The following CCDC178 variants were observed in gnomAD, a reference collection of about 807,000 sequenced individuals.
CCDC178 encodes the protein coiled-coil domain containing 178.
In CCDC178, 126 loss-of-function variants were observed where a neutral mutation model predicts 117.4. The ratio of observed to expected loss-of-function variants is 1.07; its 90% confidence interval spans 0.93 to 1.24. The LOEUF (loss-of-function observed/expected upper bound fraction) is 1.24. CCDC178 is among the 50% of genes most tolerant of loss of function. CCDC178 has a pLI of 0.00. For synonymous variants in CCDC178, 283 were observed against 313.4 expected (o/e 0.90, Z 1.02); for missense variants, 1,030 against 986.9 (o/e 1.04, Z -0.59).
rs116003335 is a variant in CCDC178, at chr18:33,363,253, C to T, written c.348+6797G>A. On this transcript the variant is annotated intron_variant, in intron 6 of 22. Coordinates refer to ENST00000383096, the MANE Select transcript of CCDC178 (RefSeq NM_001105528.4). ...GCATGGAAGTAAACCAAATCAGATT[C>T]ATACGAAACTTCAAAGTTTTCATTA... Among the ~76,000 whole-genome samples, 1,019 of 152,028 alleles carry T rather than the reference C, an allele frequency of 6.7e-3. 7 individuals carry two copies. The highest frequency in any genetic ancestry group is 0.038 in the Middle Eastern group (11 of 292).
intron 14 of CCDC178, among the ~76,000 whole-genome samples, chr18:33,266,505 G>C (rs1441692651): frequency 6.7e-6 from 1 of 149,274 alleles, no homozygotes; most frequent in Non-Finnish European, 1.5e-5. Flanking sequence ...GCTGTGTAAA[G>C]CTGCTTATAA....
intron 20 of CCDC178, among the ~76,000 whole-genome samples, chr18:33,171,582 G>A (rs896709573): frequency 6.6e-6 from 1 of 152,160 alleles, no homozygotes; most frequent in Non-Finnish European, 1.5e-5. Flanking sequence ...CAAAGAGATC[G>A]TAGCTATAGA....
intron 20 of CCDC178, among the ~76,000 whole-genome samples, chr18:33,111,024 T>C (rs928080579): frequency 6.6e-6 from 1 of 151,556 alleles, no homozygotes; most frequent in Non-Finnish European, 1.5e-5. Flanking sequence ...AATATATAAA[T>C]TTGGTAGATC....
intron 15 of CCDC178, among the ~76,000 whole-genome samples, chr18:33,243,155 A>G (rs2059508543): frequency 6.6e-6 from 1 of 151,990 alleles, no homozygotes; most frequent in Non-Finnish European, 1.5e-5. Context: ...AGGAATAGAA[A>G]GTTAAATACT....
intron 21 of CCDC178, among the ~76,000 whole-genome samples, chr18:32,981,537 TAAAGAACAAAA>T (rs1363892809): frequency 2.0e-5 from 3 of 152,212 alleles, no homozygotes; most frequent in Non-Finnish European, 4.4e-5. Flanking sequence ...GTTGTTTCTT[TAAAGAACAAAA>T]CCTATGTTAA....
chr18:33,238,443 A>G lies in CCDC178; in HGVS notation c.1593+6802T>C, dbSNP rs1235212994. ...GATTTGAATGATAAATACAACAAAG[A>G]TATAGATATTATTAAAAAAGAACCA... On this transcript the variant is annotated intron_variant, in intron 15 of 22. Transcript: ENST00000383096. 2.0e-5 allele frequency among the ~76,000 whole-genome samples: 3 copies of G among 152,050 alleles called. No homozygotes were observed. In the South Asian group the frequency reaches 6.2e-4, roughly 31 times the overall value.
chr18:33,260,068 T>G (rs1008757861), intron 14 of CCDC178, among the ~76,000 whole-genome samples: 2 of 152,022 alleles, frequency 1.3e-5, no homozygotes, highest in Non-Finnish European at 2.9e-5. Flanking sequence ...TATATATATA[T>G]TACACATGGC....
intron 21 of CCDC178, among the ~76,000 whole-genome samples, chr18:33,015,682 G>A (rs934970680): frequency 6.6e-6 from 1 of 151,182 alleles, no homozygotes; most frequent in Non-Finnish European, 1.5e-5. Context: ...GATTTACTAG[G>A]CAAAAATTTG....
intron 21 of CCDC178, among the ~76,000 whole-genome samples, chr18:33,062,130 G>C (rs1391271896): frequency 1.3e-5 from 2 of 152,108 alleles, no homozygotes; most frequent in Non-Finnish European, 2.9e-5. Context: ...CTACTAACAG[G>C]TACTTTGTGT....
In CCDC178 at chr18:33,354,075, C is replaced by CT. The variant is rs964868149; in HGVS notation, c.371+2248dup. On this transcript the variant is annotated intron_variant, in intron 7 of 22. Coordinates refer to ENST00000383096, the MANE Select transcript of CCDC178 (RefSeq NM_001105528.4). ...ATTCGGAATTCTTCATTGACAGTTT[C>CT]TTTTTTTTCTTCTGGCATTTAAATA... 2.6e-5 allele frequency among the ~76,000 whole-genome samples: 4 copies of CT among 151,940 alleles called. No individual in the cohort carries two copies. The South Asian group carries it at 6.2e-4, about 24-fold the overall frequency.
intron 21 of CCDC178, among the ~76,000 whole-genome samples, chr18:33,064,935 C>T (rs559483535): frequency 8.6e-5 from 13 of 150,578 alleles, no homozygotes; most frequent in South Asian, 2.1e-4. Context: ...TCATTTGAGA[C>T]GACATGGATT....
Position 33,189,249 on chromosome 18 carries a change from A to G in CCDC178, c.2238+22647T>C, listed in dbSNP as rs531445645. On this transcript the variant is annotated intron_variant, in intron 20 of 22. Coordinates refer to ENST00000383096, the MANE Select transcript of CCDC178 (RefSeq NM_001105528.4). ...TGTGTCATCTGCATAGACAAGCAAC[A>G]ATAACAAGATGAGGGGTTTGCTAAG... Among the ~76,000 whole-genome samples the G allele has an allele frequency of 9.8e-5, 15 of 152,306 alleles. 1 individual carries two copies. The South Asian group carries it at 3.1e-3, about 32-fold the overall frequency.
At chr18:32,945,459 C>T (rs1174461317) in intron 22 of CCDC178, among the ~76,000 whole-genome samples, 1 of 152,092 alleles carries the variant, frequency 6.6e-6, no homozygotes, top group Non-Finnish European at 1.5e-5. Context: ...GTTACATAAA[C>T]AAAATTTTGT....
intron 11 of CCDC178, among the ~76,000 whole-genome samples, chr18:33,302,624 G>A (rs968723937): frequency 4.6e-5 from 7 of 151,916 alleles, no homozygotes; most frequent in African/African-American, 1.7e-4. Context: ...TAGGTGTCCC[G>A]GTGAATGAAC....
At chr18:33,269,150 C>G (rs924222232) in intron 12 of CCDC178, among the ~76,000 whole-genome samples, 31 of 151,752 alleles carry the variant, frequency 2.0e-4, no homozygotes, top group African/African-American at 6.8e-4. Context: ...GCAGAGTTTA[C>G]CAGCACAAAA....
Position 33,092,863 on chromosome 18 carries a change from C to T in CCDC178, c.2286G>A (p.Glu762=). Residue 762 remains glutamate (E), a synonymous_variant, in exon 21 of 23, where the codon GAG becomes GAA. Coordinates refer to ENST00000383096, the MANE Select transcript of CCDC178 (RefSeq NM_001105528.4). The part of the protein sequence containing the change: ...SLEENLRLAQ[E]YQQLQITFLK... The stretch of plus-strand genomic sequence containing the variant: ...AGAATGTAATCTGTAGCTGTTGATA[C>T]TCTTGAGCTAAACGCAGATTTTCTT... 6.3e-7 allele frequency: 1 copy of T among 1,578,204 alleles called. No homozygotes were observed. The highest frequency in any genetic ancestry group is 8.6e-7 in the Non-Finnish European group (1 of 1,164,000).
chr18:33,006,911 A>T (rs1829367709), intron 21 of CCDC178, among the ~76,000 whole-genome samples: 1 of 152,060 alleles, frequency 6.6e-6, no homozygotes, highest in Admixed American at 6.6e-5. Context: ...TTGGAAGATG[A>T]CCCTAAGCTC....
intron 11 of CCDC178, among the ~76,000 whole-genome samples, chr18:33,302,068 C>T (rs4328517): frequency 0.83 from 126,809 of 152,002 alleles, 54,720 homozygotes; most frequent in East Asian, 1. Flanking sequence ...TTGTGGTGTC[C>T]TCAGGATAGT....
intron 21 of CCDC178, among the ~76,000 whole-genome samples, chr18:33,002,980 G>C (rs1449624735): frequency 6.6e-6 from 1 of 152,032 alleles, no homozygotes. Flanking sequence ...GAACCACGAA[G>C]AAAGCCACAA....
Sources: allele counts gnomAD v4.1 joint callset (sites outside exome capture counted in the v4.1 genomes callset), GRCh38; gene constraint gnomAD v4.1.1; transcripts MANE v1.5; gene names NCBI Gene and HGNC (gene_info 2026-07-23, HGNC 2026-07-21).